Variants in BCL9L observed in about 807,000 individuals in gnomAD.
BCL9L encodes the protein BCL9 like.
A neutral mutation model predicts 99.4 loss-of-function variants in BCL9L; 19 were observed. The observed-to-expected ratio is 0.19, with a 90% CI of 0.13 to 0.28. The LOEUF (loss-of-function observed/expected upper bound fraction) is 0.28, where lower values mean the gene tolerates loss of function less well. Ranked by LOEUF, BCL9L falls within the 10% of genes least tolerant of loss-of-function variation. The pLI is 1.00. For missense variants in BCL9L, 2,023 were observed against 2,101.6 expected, an observed-to-expected ratio of 0.96 and a Z score of 0.73; for synonymous variants, 900 against 854.8, an observed-to-expected ratio of 1.05 and a Z score of -0.92.
chr11:118,907,469 C>CGACAG lies in BCL9L; in HGVS notation c.532+9_532+13dup. 1 of 1,614,138 alleles carries CGACAG rather than the reference C, an allele frequency of 6.2e-7. No individual in the cohort carries two copies. The highest frequency in any genetic ancestry group is 1.1e-5 in the South Asian group (1 of 91,090). Reference sequence around the variant, plus strand: ...ATCACGGGCTACAGCACCCTGGCATCGACAGGCACTCACTGTGGGTGGCCC... The same window carrying CGACAG: ...ATCACGGGCTACAGCACCCTGGCATCGACAGGACAGGCACTCACTGTGGGTGGCCC... On this transcript the variant is annotated intron_variant, in intron 5 of 9. Transcript: ENST00000683865.
Position 118,900,212 on chromosome 11 carries a change from G to A in BCL9L, c.3125-14C>T. The A allele has an allele frequency of 6.3e-7, 1 of 1,576,322 alleles. No individual in the cohort carries two copies. The highest frequency in any genetic ancestry group is 8.6e-7 in the Non-Finnish European group (1 of 1,158,554). The stretch of plus-strand genomic sequence containing the variant: ...GCGGGAGGGTACCTACAGAAACGGG[G>A]AGACAAAGAGAGCAGGGGTGACTGG... On this transcript the variant is annotated splice_polypyrimidine_tract_variant and intron_variant, in intron 8 of 9. Coordinates refer to ENST00000683865, the MANE Select transcript of BCL9L (RefSeq NM_001378213.1). This position sits in a 1 kb window ranked among gnomAD's most constrained non-coding sequence, Gnocchi z 5.3.
At position 118,898,175 on chromosome 11, in the gene BCL9L, G is replaced by A. The variant is rs936624024; in HGVS notation, c.*240C>T. On this transcript the variant is annotated 3_prime_UTR_variant, in exon 10 of 10. Transcript: ENST00000683865. ...CATAGGAATTGGGAGGAGTGGGGGA[G>A]GGGCAGTCCTGGTGGCCGAAATGGA... 2.2e-5 allele frequency: 13 copies of A among 597,622 alleles called. No individual in the cohort carries two copies. Among genetic ancestry groups the A allele is most frequent in the Non-Finnish European group, 3.5e-5 (12 of 339,710 alleles). The allele number at this position is 597,622 out of a possible 1,614,324, so 37.0% of individuals were successfully genotyped here.
rs190956681 is a variant in BCL9L, at chr11:118,921,069, A to C, written c.-130-2190T>G. ...CACTTACAACACAGACACAACTCCCAAAGATGCACATCCAAAGACGTTTCC... is the reference window on the plus strand; with the variant it reads ...CACTTACAACACAGACACAACTCCCCAAGATGCACATCCAAAGACGTTTCC... On this transcript the variant is annotated intron_variant, in intron 1 of 9. Transcript: ENST00000683865. The surrounding 1 kb of genome is among the most constrained non-coding windows in gnomAD (Gnocchi z 5.4). Among the ~76,000 whole-genome samples the C allele has an allele frequency of 6.6e-6, 1 of 152,274 alleles. No individual in the cohort carries two copies. The highest frequency in any genetic ancestry group is 1.9e-4 in the East Asian group (1 of 5,186).
intron 4 of BCL9L, 58 bp downstream of exon 4, chr11:118,908,212 C>T: frequency 6.0e-6 from 9 of 1,508,716 alleles, no homozygotes; most frequent in Non-Finnish European, 8.0e-6. Context: ...TCTCCCAGAA[C>T]ATCTGAGCCT....
At chr11:118,919,397 C>G (rs1439622495) in intron 1 of BCL9L, among the ~76,000 whole-genome samples, 3 of 151,826 alleles carry the variant, frequency 2.0e-5, no homozygotes, top group Non-Finnish European at 4.4e-5. Context: ...GGCTATAGCC[C>G]TGGTTCCCTG....
At position 118,921,189 on chromosome 11, in the gene BCL9L, CAT is replaced by C. The variant is rs555550421; in HGVS notation, c.-130-2312_-130-2311del. Among the ~76,000 whole-genome samples the C allele has an allele frequency of 1.9e-4, 29 of 152,266 alleles. No individual in the cohort carries two copies. In the South Asian group the frequency reaches 4.8e-3, roughly 25 times the overall value. ...AGCCTAGGGGAGCTCAGGAAACACA[CAT>C]GACATCGGCCAATCACACAGAACTG... is the stretch of plus-strand genomic sequence containing the variant. On this transcript the variant is annotated intron_variant, in intron 1 of 9. Coordinates refer to ENST00000683865, the MANE Select transcript of BCL9L (RefSeq NM_001378213.1). This position sits in a 1 kb window ranked among gnomAD's most constrained non-coding sequence, Gnocchi z 5.4.
Position 118,909,898 on chromosome 11 carries a change from C to A in BCL9L, c.26+16G>T. On this transcript the variant is annotated intron_variant, in intron 3 of 9. Coordinates refer to ENST00000683865, the MANE Select transcript of BCL9L (RefSeq NM_001378213.1). ...CTCCACACACACACATCCCACCCGC[C>A]ACGACACCCACACACCTTGTCTTGT... The A allele has an allele frequency of 1.2e-6, 2 of 1,614,084 alleles. No individual in the cohort carries two copies. The highest frequency in any genetic ancestry group is 1.7e-6 in the Non-Finnish European group (2 of 1,179,966).
At position 118,901,452 on chromosome 11, in the gene BCL9L, G is replaced by A. The variant is rs1940231193; in HGVS notation, c.2291C>T (p.Pro764Leu). The A allele has an allele frequency of 6.2e-7, 1 of 1,614,068 alleles. No homozygotes were observed. Among genetic ancestry groups the A allele is most frequent in the East Asian group, 2.2e-5 (1 of 44,866 alleles). The change falls in exon 8 of 10, where the codon CCC becomes CTC. Residue 764 changes from proline to leucine, a missense_variant. Physicochemically the swap from Pro to Leu is moderately conservative, Grantham distance 98 (BLOSUM62 -3). Coordinates refer to ENST00000683865, the MANE Select transcript of BCL9L (RefSeq NM_001378213.1). This position sits in a 1 kb window ranked among gnomAD's most constrained non-coding sequence, Gnocchi z 6.6. ...GQSGLREVDP[P>L]MGPGNLNMNM... ...CATGTTGAGGTTGCCTGGCCCCATG[G>A]GTGGGTCCACCTCCCTCAGCCCAGA...
chr11:118,899,222 C>G lies in BCL9L; in HGVS notation c.3693G>C (p.Arg1231=). 1.3e-6 allele frequency: 2 copies of G among 1,506,764 alleles called. No individual in the cohort carries two copies. The highest frequency in any genetic ancestry group is 1.8e-6 in the Non-Finnish European group (2 of 1,128,970). The allele number at this position is 1,506,764 out of a possible 1,614,324, so 93.3% of individuals were successfully genotyped here. The change falls in exon 10 of 10, where the codon CGG becomes CGC. Residue 1231 remains arginine (R), a synonymous_variant. Transcript: ENST00000683865. ...CCATGGCACCATGGGGCTGCTGCAG[C>G]CGAGGGGGGAAGGGCATCATCTGGG... The part of the protein sequence containing the change: ...SSSQMMPFPP[R]LQQPHGAMAP...
Position 118,903,344 on chromosome 11 carries a change from G to A in BCL9L, c.641C>T (p.Pro214Leu). Residue 214 changes from proline to leucine, a missense_variant, in exon 6 of 10, where the codon CCT becomes CTT. By Grantham distance (98) the Pro-to-Leu change is moderately conservative. This residue lies in a region of BCL9L where 1,116 missense variants were observed against 1,194.6 expected (regional missense o/e 0.93). Coordinates refer to ENST00000683865, the MANE Select transcript of BCL9L (RefSeq NM_001378213.1). The surrounding 1 kb of genome is among the most constrained non-coding windows in gnomAD (Gnocchi z 5.6). ...SSVPGAPHGP[P>L]PGLRPDAPGG... The stretch of plus-strand genomic sequence containing the variant: ...AGGGGCATCAGGCCGAAGGCCAGGA[G>A]GAGGGCCGTGCGGGGCGCCTGGCAC... The A allele has an allele frequency of 6.3e-7, 1 of 1,597,392 alleles. No individual in the cohort carries two copies. Among genetic ancestry groups the A allele is most frequent in the Non-Finnish European group, 8.5e-7 (1 of 1,172,772 alleles).
At position 118,914,205 on chromosome 11, in the gene BCL9L, C is replaced by T. The variant is rs143894850; in HGVS notation, c.-76-4190G>A. ...GGCAAGGCAGCTCCCTGTGGGCCCT[C>T]ACCTGGCCTCAGTCCTCCAAGGGGT... On this transcript the variant is annotated intron_variant, in intron 2 of 9. Transcript: ENST00000683865. The surrounding 1 kb of genome is among the most constrained non-coding windows in gnomAD (Gnocchi z 4.4). 6.8e-3 allele frequency among the ~76,000 whole-genome samples: 1,030 copies of T among 152,282 alleles called. 9 individuals are homozygous for T. Among genetic ancestry groups the T allele is most frequent in the African/African-American group, 0.024 (983 of 41,542 alleles).
At chr11:118,923,095 T>G (rs1039808755) in intron 1 of BCL9L, among the ~76,000 whole-genome samples, 3 of 152,054 alleles carry the variant, frequency 2.0e-5, no homozygotes, top group African/African-American at 7.2e-5. Flanking sequence ...GCTGCAGAGC[T>G]GGGTGACAGT....
rs1940141267 is a variant in BCL9L, at chr11:118,900,032, G to C, written c.3291C>G (p.Pro1097=). The C allele has an allele frequency of 6.2e-7, 1 of 1,614,108 alleles. No individual in the cohort carries two copies. Among genetic ancestry groups the C allele is most frequent in the Non-Finnish European group, 8.5e-7 (1 of 1,180,004 alleles). Residue 1097 remains proline, a synonymous_variant, in exon 9 of 10, where the codon CCC becomes CCG. Transcript: ENST00000683865. The surrounding 1 kb of genome is among the most constrained non-coding windows in gnomAD (Gnocchi z 5.3). ...MMTQMSKYAM[P]SSTPLYHNAI... ...CATTGTGGTAGAGCGGGGTGGAGCT[G>C]GGCATGGCGTACTTGGACATCTGGG... is the stretch of plus-strand genomic sequence containing the variant.
Position 118,900,965 on chromosome 11 carries a change from T to C in BCL9L, c.2778A>G (p.Ser926=), listed in dbSNP as rs778999621. Residue 926 remains serine, a synonymous_variant, in exon 8 of 10, where the codon TCA becomes TCG. Transcript: ENST00000683865. This position sits in a 1 kb window ranked among gnomAD's most constrained non-coding sequence, Gnocchi z 5.3. ...DLTISINQMG[S]PGMGHLKSPT... The stretch of plus-strand genomic sequence containing the variant: ...GCGACTTCAAGTGCCCCATGCCCGG[T>C]GAGCCCATCTGATTAATACTGATGG... The C allele has an allele frequency of 3.9e-6, 6 of 1,551,486 alleles. No homozygotes were observed. The highest frequency in any genetic ancestry group is 1.9e-5 in the Admixed American group (1 of 53,382).
chr11:118,912,828 T>C (rs1940848884), intron 2 of BCL9L, among the ~76,000 whole-genome samples: 1 of 152,162 alleles, frequency 6.6e-6, no homozygotes, highest in Admixed American at 6.5e-5. Flanking sequence ...GGGCCCCCTG[T>C]GATGACGTGA....
chr11:118,903,193 G>T lies in BCL9L; in HGVS notation c.749+43C>A. 1.9e-6 allele frequency: 3 copies of T among 1,574,862 alleles called. No homozygotes were observed. The highest frequency in any genetic ancestry group is 2.6e-6 in the Non-Finnish European group (3 of 1,158,938). On this transcript the variant is annotated intron_variant, in intron 6 of 9. Transcript: ENST00000683865. The surrounding 1 kb of genome is among the most constrained non-coding windows in gnomAD (Gnocchi z 5.6). The stretch of plus-strand genomic sequence containing the variant: ...CGGAACCCCAGGCTGAGAGGTGCTG[G>T]GCAGAGAGAGAGAGAGACTTGGCCT...
In BCL9L at chr11:118,907,473, A is replaced by G; in HGVS notation, c.532+10T>C. On this transcript the variant is annotated intron_variant, in intron 5 of 9. Transcript: ENST00000683865. ...CGGGCTACAGCACCCTGGCATCGACAGGCACTCACTGTGGGTGGCCCCAAT... is the reference window on the plus strand; with the variant it reads ...CGGGCTACAGCACCCTGGCATCGACGGGCACTCACTGTGGGTGGCCCCAAT... 6.2e-7 allele frequency: 1 copy of G among 1,614,156 alleles called. No individual in the cohort carries two copies. The highest frequency in any genetic ancestry group is 8.5e-7 in the Non-Finnish European group (1 of 1,180,018).
chr11:118,905,223 G>C, intron 5 of BCL9L, among the ~76,000 whole-genome samples: 1 of 152,070 alleles, frequency 6.6e-6, no homozygotes, highest in East Asian at 1.9e-4. Context: ...AGAATCTAAG[G>C]GCAGGCCGGG....
intron 2 of BCL9L, chr11:118,910,280 T>G: frequency 3.3e-6 from 1 of 298,802 alleles, no homozygotes; most frequent in South Asian, 4.0e-5. Flanking sequence ...ACTAAAAGGC[T>G]AGGTAGCAAA....
Sources: allele counts gnomAD v4.1 joint callset (sites outside exome capture counted in the v4.1 genomes callset), GRCh38; gene constraint gnomAD v4.1.1; regional missense constraint gnomAD v4.1.1; non-coding constraint Gnocchi (gnomAD v3.1); transcripts MANE v1.5; gene names NCBI Gene and HGNC (gene_info 2026-07-23, HGNC 2026-07-21).